The following PCDHA11 variants were observed in gnomAD, a reference collection of about 807,000 sequenced individuals.
PCDHA11 encodes protocadherin alpha 11.
A neutral mutation model predicts 70.3 loss-of-function variants in PCDHA11; 61 were observed. That is an observed-to-expected ratio of 0.87 (90% CI 0.71 to 1.07). PCDHA11 has a LOEUF of 1.07. PCDHA11 is among the 50% of genes least tolerant of loss of function. The probability of loss-of-function intolerance (pLI) is 0.00; values close to 1 mark genes in which losing one functional copy is unlikely to be tolerated. For synonymous variants in PCDHA11, 633 were observed against 555.1 expected (o/e 1.14, Z -1.97); for missense variants, 1,324 against 1,237.5 (o/e 1.07, Z -1.05).
chr5:140,973,606 G>A (rs1554235444), intron 1 of PCDHA11, among the ~76,000 whole-genome samples: 1 of 152,204 alleles, frequency 6.6e-6, no homozygotes, highest in African/African-American at 2.4e-5. Flanking sequence ...TTATGGCTGA[G>A]CTCTTCTCTG....
At chr5:140,876,972 C>T (rs374149249) in intron 1 of PCDHA11, 13 of 1,612,478 alleles carry the variant, frequency 8.1e-6, no homozygotes, top group Non-Finnish European at 1.1e-5. Context: ...GGCGGGTGGG[C>T]GAGCACGCAC....
intron 1 of PCDHA11, among the ~76,000 whole-genome samples, chr5:140,902,501 A>G (rs1264806549): frequency 1.3e-5 from 2 of 152,020 alleles, no homozygotes; most frequent in Admixed American, 6.6e-5. Context: ...ACTAGCTGTG[A>G]GTCTGTCATA....
chr5:140,992,698 A>G (rs764226558), intron 3 of PCDHA11, among the ~76,000 whole-genome samples: 4 of 152,094 alleles, frequency 2.6e-5, no homozygotes, highest in Non-Finnish European at 4.4e-5. Flanking sequence ...GGGGTGGGTA[A>G]TGTTCCTGCC....
chr5:140,981,924 C>T (rs2096957761), intron 2 of PCDHA11, among the ~76,000 whole-genome samples: 1 of 151,968 alleles, frequency 6.6e-6, no homozygotes, highest in African/African-American at 2.4e-5. Flanking sequence ...TCAAGTTTCT[C>T]TAGTCTCAGG....
At chr5:140,930,420 A>T (rs996872425) in intron 1 of PCDHA11, 2 of 151,962 alleles carry the variant, frequency 1.3e-5, no homozygotes, top group Non-Finnish European at 2.9e-5. Context: ...CAGGGGTCTC[A>T]CTATGTTGCC....
At chr5:141,007,395 C>CAAAAAAAAAAAAA (rs35800918) in intron 3 of PCDHA11, among the ~76,000 whole-genome samples, 1 of 94,866 alleles carries the variant, frequency 1.1e-5, no homozygotes. Flanking sequence ...TACTAAAATA[C>CAAAAAAAAAAAAA]AAAAAAAAAA....
At chr5:141,000,547 A>T (rs2097946124) in intron 3 of PCDHA11, among the ~76,000 whole-genome samples, 1 of 147,246 alleles carries the variant, frequency 6.8e-6, no homozygotes, top group Non-Finnish European at 1.5e-5. Context: ...CATGCCTCAA[A>T]CTCCCGAGTA....
intron 3 of PCDHA11, among the ~76,000 whole-genome samples, chr5:140,992,594 G>A (rs782416770): frequency 2.6e-5 from 4 of 152,148 alleles, no homozygotes; most frequent in Non-Finnish European, 2.9e-5. Flanking sequence ...TGCATCTAGC[G>A]TCTGTGTCTA....
At chr5:140,896,871 TTTATGGG>T (rs1349052738) in intron 1 of PCDHA11, among the ~76,000 whole-genome samples, 1 of 152,200 alleles carries the variant, frequency 6.6e-6, no homozygotes, top group Non-Finnish European at 1.5e-5. Flanking sequence ...AGTGTACATA[TTTATGGG>T]GTATATGAGA....
intron 1 of PCDHA11, among the ~76,000 whole-genome samples, chr5:140,952,338 CAAAA>C (rs55931446): frequency 9.9e-4 from 134 of 134,976 alleles, no homozygotes; most frequent in Admixed American, 2.2e-3. Context: ...AACTCCATCT[CAAAA>C]AAAAAAAAAA....
At position 140,871,259 on chromosome 5, in the gene PCDHA11, C is replaced by A. The variant is rs1554165338; in HGVS notation, c.2156C>A (p.Ala719Glu). ...LLVLTLLLYT[A>E]LWWSATPTEG... ...GTACTCACGCTGCTGCTGTATACGG[C>A]GCTGTGGTGGTCGGCAACGCCCACT... The change falls in exon 1 of 4, where the codon GCG (alanine) becomes GAG (glutamate). Residue 719 changes from alanine (A) to glutamate (E), a missense_variant. By Grantham distance (107) the Ala-to-Glu change is moderately radical. Coordinates refer to ENST00000398640, the MANE Select transcript of PCDHA11 (RefSeq NM_018902.5). 3.1e-6 allele frequency: 5 copies of A among 1,613,958 alleles called. No individual in the cohort carries two copies. Among genetic ancestry groups the A allele is most frequent in the Non-Finnish European group, 4.2e-6 (5 of 1,179,930 alleles).
chr5:140,987,120 A>G (rs1224513029), intron 3 of PCDHA11, among the ~76,000 whole-genome samples: 9 of 151,956 alleles, frequency 5.9e-5, no homozygotes, highest in African/African-American at 2.2e-4. Context: ...AGGCTGAGGC[A>G]GGAGAATTGC....
At chr5:140,874,354 T>C (rs1554167160) in intron 1 of PCDHA11, among the ~76,000 whole-genome samples, 5 of 152,214 alleles carry the variant, frequency 3.3e-5, no homozygotes, top group Non-Finnish European at 7.3e-5. Context: ...TGATCTTGAA[T>C]TAATGAATAA....
chr5:140,876,644 C>T, intron 1 of PCDHA11: 2 of 1,614,200 alleles, frequency 1.2e-6, no homozygotes, highest in South Asian at 1.1e-5. Context: ...TCACTGACAC[C>T]TCATGTTCCC....
At chr5:140,980,584 C>A (rs1447001293) in intron 2 of PCDHA11, among the ~76,000 whole-genome samples, 1 of 151,934 alleles carries the variant, frequency 6.6e-6, no homozygotes, top group Non-Finnish European at 1.5e-5. Context: ...GAGCCAAGAT[C>A]GAGCCACTGC....
chr5:141,002,218 A>T (rs782352324), intron 3 of PCDHA11, among the ~76,000 whole-genome samples: 124 of 152,272 alleles, frequency 8.1e-4, no homozygotes, highest in Admixed American at 3.6e-3. Context: ...AATCAAAATG[A>T]TGGGTTTTCT....
chr5:140,958,084 T>C (rs2095408627), intron 1 of PCDHA11, among the ~76,000 whole-genome samples: 1 of 152,110 alleles, frequency 6.6e-6, no homozygotes, highest in African/African-American at 2.4e-5. Flanking sequence ...AAAAGTAAAG[T>C]TGTACAATAG....
At chr5:141,007,000 G>A (rs2098298646) in intron 3 of PCDHA11, among the ~76,000 whole-genome samples, 1 of 152,128 alleles carries the variant, frequency 6.6e-6, no homozygotes, top group South Asian at 2.1e-4. Flanking sequence ...ATATAAGTCT[G>A]CATCTCATCA....
In PCDHA11 at chr5:140,906,646, G is replaced by T. The variant is rs1473127161; in HGVS notation, c.2391+35152G>T. On this transcript the variant is annotated intron_variant, in intron 1 of 3. Coordinates refer to ENST00000398640, the MANE Select transcript of PCDHA11 (RefSeq NM_018902.5). ...TCAGCAAGCACCTCAGCAGGTAGTG[G>T]TTTTTTCCTGGTGTAGTGACCCAAA... Among the ~76,000 whole-genome samples the T allele has an allele frequency of 2.0e-5, 3 of 152,192 alleles. No individual in the cohort carries two copies. In the East Asian group the frequency reaches 5.8e-4, roughly 29 times the overall value.
Sources: gnomAD v4.1 joint callset for allele counts (sites outside exome capture counted in the v4.1 genomes callset) on GRCh38, gnomAD v4.1.1 for gene constraint, MANE v1.5 for transcripts, NCBI Gene and HGNC (gene_info 2026-07-23, HGNC 2026-07-21) for gene names.